Variants in FILIP1L observed in about 807,000 individuals in gnomAD.
The protein encoded by FILIP1L is filamin A interacting protein 1 like.
Under a neutral mutation model 96.6 loss-of-function variants are expected in FILIP1L, and 55 were observed. That is an observed-to-expected ratio of 0.57 (90% CI 0.46 to 0.71). FILIP1L has a LOEUF of 0.71. Ranked by LOEUF, FILIP1L falls within the 30% of genes least tolerant of loss-of-function variation. The probability of loss-of-function intolerance (pLI) is 0.00; values close to 1 mark genes in which losing one functional copy is unlikely to be tolerated. For synonymous variants in FILIP1L, 467 were observed against 473.9 expected (o/e 0.99, Z 0.19); for missense variants, 1,304 against 1,321.2 (o/e 0.99, Z 0.20).
In FILIP1L at chr3:99,848,466, G is replaced by A; in HGVS notation, c.3210C>T (p.Tyr1070=). The change falls in exon 5 of 6, where the codon TAC becomes TAT. Residue 1070 remains tyrosine (Y), a synonymous_variant. Coordinates refer to ENST00000477258, the MANE Select transcript of FILIP1L (RefSeq NM_001387850.1). ...TCACAGGGCTGGCTACAGCTTGCATGTAAGGACTTCCTAAGTGAATGTGGA... is the reference window on the plus strand; with the variant it reads ...TCACAGGGCTGGCTACAGCTTGCATATAAGGACTTCCTAAGTGAATGTGGA... The part of the protein sequence containing the change: ...NKIHIHLGSP[Y]MQAVASPVRP... 1 of 1,614,186 alleles carries A rather than the reference G, an allele frequency of 6.2e-7. No individual in the cohort carries two copies. Among genetic ancestry groups the A allele is most frequent in the Non-Finnish European group, 8.5e-7 (1 of 1,180,020 alleles).
At chr3:99,919,581 G>T (rs893514600) in intron 4 of FILIP1L, among the ~76,000 whole-genome samples, 1 of 151,614 alleles carries the variant, frequency 6.6e-6, no homozygotes, top group Non-Finnish European at 1.5e-5. Flanking sequence ...TTTCAAGGAG[G>T]TTTCCAAATC....
chr3:100,085,508 T>C lies in FILIP1L; in HGVS notation c.-11+28545A>G, dbSNP rs117266435. Among the ~76,000 whole-genome samples the C allele has an allele frequency of 7.2e-5, 11 of 152,320 alleles. No individual in the cohort carries two copies. The East Asian group carries it at 2.1e-3, about 29-fold the overall frequency. ...TCCAAAGTTCCTTTGCTTTTTTATC[T>C]CAGAAGCAAAAATATCCCCATTTCT... is the stretch of plus-strand genomic sequence containing the variant. On this transcript the variant is annotated intron_variant, in intron 1 of 5. Transcript: ENST00000477258.
chr3:99,916,437 TACACAC>T (rs10529210), intron 4 of FILIP1L, among the ~76,000 whole-genome samples: 4,642 of 137,114 alleles, frequency 0.034, 135 homozygotes, highest in African/African-American at 0.083. Flanking sequence ...TAACGGTTTA[TACACAC>T]ACACACACAC....
chr3:99,906,256 A>C (rs1706614933), intron 4 of FILIP1L, among the ~76,000 whole-genome samples: 1 of 152,150 alleles, frequency 6.6e-6, no homozygotes, highest in African/African-American at 2.4e-5. Flanking sequence ...CCTCGTTGTA[A>C]ATTTAATTTG....
At chr3:99,891,735 T>TTA (rs1384394106) in intron 4 of FILIP1L, among the ~76,000 whole-genome samples, 7 of 152,184 alleles carry the variant, frequency 4.6e-5, no homozygotes, top group South Asian at 2.1e-4. Flanking sequence ...GAGTTTTAGC[T>TTA]TAACCCAGTA....
chr3:99,948,919 T>G (rs1708096468), intron 1 of FILIP1L, among the ~76,000 whole-genome samples: 1 of 152,172 alleles, frequency 6.6e-6, no homozygotes, highest in African/African-American at 2.4e-5. Flanking sequence ...AACTGCACAC[T>G]GTAACCAGCA....
At chr3:100,025,676 G>C (rs1559730237) in intron 1 of FILIP1L, 1 of 152,064 alleles carries the variant, frequency 6.6e-6, no homozygotes, top group Non-Finnish European at 1.5e-5. Flanking sequence ...AAACATACCA[G>C]GTCGTCCACA....
chr3:99,849,432 T>G lies in FILIP1L; in HGVS notation c.2244A>C (p.Lys748Asn). ...HLQGDHSVLQ[K>N]KLNQQENRNR... ...TCCTGTTTTCTTGTTGATTTAGTTTTTTTTGCAGGACTGAGTGATCTCCCT... is the reference window on the plus strand; with the variant it reads ...TCCTGTTTTCTTGTTGATTTAGTTTGTTTTGCAGGACTGAGTGATCTCCCT... The change falls in exon 5 of 6, where the codon AAA becomes AAC. Residue 748 changes from lysine to asparagine, a missense_variant. Lys to Asn is a moderately conservative substitution (Grantham distance 94). Coordinates refer to ENST00000477258, the MANE Select transcript of FILIP1L (RefSeq NM_001387850.1). The G allele has an allele frequency of 6.2e-7, 1 of 1,614,200 alleles. No homozygotes were observed. Among genetic ancestry groups the G allele is most frequent in the South Asian group, 1.1e-5 (1 of 91,088 alleles).
Position 99,909,983 on chromosome 3 carries a change from T to TAACTA in FILIP1L, c.605+14246_605+14247insTAGTT. Among the ~76,000 whole-genome samples, 4 of 138,462 alleles carry TAACTA rather than the reference T, an allele frequency of 2.9e-5. 1 individual carries two copies. Among genetic ancestry groups the TAACTA allele is most frequent in the Non-Finnish European group, 6.6e-5 (4 of 60,272 alleles). The allele number at this position is 138,462 out of a possible 152,430, so 90.8% of individuals were successfully genotyped here. ...AGAAATTTCAGTTCTCGGGGCAAAA[T>TAACTA]GTGTATTCAGAGCTGAAATTTTGTT... On this transcript the variant is annotated intron_variant, in intron 4 of 5. Coordinates refer to ENST00000477258, the MANE Select transcript of FILIP1L (RefSeq NM_001387850.1).
At chr3:99,965,302 T>C (rs1243051833) in intron 1 of FILIP1L, among the ~76,000 whole-genome samples, 1 of 152,196 alleles carries the variant, frequency 6.6e-6, no homozygotes, top group Non-Finnish European at 1.5e-5. Context: ...GTTTTATAAT[T>C]TTTTATCAAG....
intron 1 of FILIP1L, among the ~76,000 whole-genome samples, chr3:100,043,401 G>C (rs1247622765): frequency 6.6e-6 from 1 of 151,962 alleles, no homozygotes; most frequent in East Asian, 1.9e-4. Context: ...TCATTTTCTT[G>C]AGGCTTATAG....
intron 1 of FILIP1L, among the ~76,000 whole-genome samples, chr3:100,047,454 A>C (rs1255335716): frequency 6.6e-6 from 1 of 152,222 alleles, no homozygotes; most frequent in Non-Finnish European, 1.5e-5. Context: ...TAAAAAAACT[A>C]AAGTATCATG....
At chr3:100,105,465 TA>T (rs1462113914) in intron 1 of FILIP1L, among the ~76,000 whole-genome samples, 1 of 152,196 alleles carries the variant, frequency 6.6e-6, no homozygotes, top group Non-Finnish European at 1.5e-5. Flanking sequence ...AGACTGCTAT[TA>T]AAATGTTAAC....
Position 99,866,272 on chromosome 3 carries a change from G to T in FILIP1L, c.606-15202C>A, listed in dbSNP as rs542276124. ...AAAAGCCAAAGCAGGGGCCAGTCAC[G>T]TACCAGAATGGATAAGTTCACTGGT... On this transcript the variant is annotated intron_variant, in intron 4 of 5. Transcript: ENST00000477258. Among the ~76,000 whole-genome samples the T allele has an allele frequency of 3.3e-5, 5 of 152,026 alleles. No individual in the cohort carries two copies. The South Asian group carries it at 1.0e-3, about 32-fold the overall frequency.
chr3:99,943,661 G>A (rs188772272), intron 1 of FILIP1L, among the ~76,000 whole-genome samples: 2 of 151,952 alleles, frequency 1.3e-5, no homozygotes, highest in Non-Finnish European at 2.9e-5. Flanking sequence ...CCGAGATCAC[G>A]CCACTGCACT....
chr3:99,924,416 A>G lies in FILIP1L; in HGVS notation c.427-8T>C. On this transcript the variant is annotated splice_polypyrimidine_tract_variant and splice_region_variant and intron_variant, in intron 3 of 5. Coordinates refer to ENST00000477258, the MANE Select transcript of FILIP1L (RefSeq NM_001387850.1). Reference sequence around the variant, plus strand: ...TTCCACAACTTTGTCCAACTACGAAAGAAAACATTTATAGCCTGTTACCAA... The same window carrying G: ...TTCCACAACTTTGTCCAACTACGAAGGAAAACATTTATAGCCTGTTACCAA... 1.2e-6 allele frequency: 2 copies of G among 1,613,182 alleles called. No homozygotes were observed.
chr3:99,852,571 G>A (rs913418198), intron 4 of FILIP1L, among the ~76,000 whole-genome samples: 9 of 151,946 alleles, frequency 5.9e-5, no homozygotes, highest in Non-Finnish European at 7.4e-5. Flanking sequence ...TCAGCCTCCC[G>A]AGTAGCTGGG....
At chr3:100,112,277 G>T (rs1012805139) in intron 1 of FILIP1L, among the ~76,000 whole-genome samples, 1 of 152,076 alleles carries the variant, frequency 6.6e-6, no homozygotes, top group African/African-American at 2.4e-5. Flanking sequence ...TTTGCTTTAG[G>T]TTAGAACATA....
intron 1 of FILIP1L, among the ~76,000 whole-genome samples, chr3:100,013,588 A>C (rs1489063114): frequency 6.6e-6 from 1 of 152,170 alleles, no homozygotes; most frequent in Non-Finnish European, 1.5e-5. Context: ...AGAATGTTTG[A>C]AATTATATTT....
Sources: allele counts gnomAD v4.1 joint callset (sites outside exome capture counted in the v4.1 genomes callset), GRCh38; gene constraint gnomAD v4.1.1; transcripts MANE v1.5; gene names NCBI Gene and HGNC (gene_info 2026-07-23, HGNC 2026-07-21).